Variants in SIMC1 observed in about 807,000 individuals in gnomAD.
The protein encoded by SIMC1 is SUMO-interacting motif-containing protein 1.
A neutral mutation model predicts 82.3 loss-of-function variants in SIMC1; 55 were observed. The ratio of observed to expected loss-of-function variants is 0.67; its 90% CI spans 0.54 to 0.84. The LOEUF is 0.84. SIMC1 is among the 40% of genes least tolerant of loss of function. The pLI is 0.00. For synonymous variants in SIMC1, 353 were observed against 426.3 expected, an observed-to-expected ratio of 0.83 and a Z score of 2.12; for missense variants, 915 against 1,107.2, an observed-to-expected ratio of 0.83 and a Z score of 2.46.
chr5:176,333,084 A>G (rs1372375507), intron 7 of SIMC1, among the ~76,000 whole-genome samples: 2 of 152,192 alleles, frequency 1.3e-5, no homozygotes. Flanking sequence ...TGGGCAGATC[A>G]CTTGATGTCA....
intron 4 of SIMC1, among the ~76,000 whole-genome samples, chr5:176,311,085 A>C (rs1764644418): frequency 6.6e-6 from 1 of 152,194 alleles, no homozygotes; most frequent in Admixed American, 6.5e-5. Context: ...TTGGAAAGGG[A>C]ACTGTAAGTG....
At chr5:176,272,172 C>CA (rs1162307977) in intron 1 of SIMC1, among the ~76,000 whole-genome samples, 5,306 of 19,916 alleles carry the variant, frequency 0.27, 900 homozygotes, top group Non-Finnish European at 0.41. Flanking sequence ...CCCATCTCTA[C>CA]AAAAAAAAAA....
chr5:176,325,408 G>A (rs182339516), intron 7 of SIMC1, among the ~76,000 whole-genome samples: 126 of 148,272 alleles, frequency 8.5e-4, no homozygotes, highest in African/African-American at 2.8e-3. Context: ...AATAAAGGCC[G>A]GCTGTGGTGG....
At chr5:176,299,376 AG>A in intron 4 of SIMC1, among the ~76,000 whole-genome samples, 1 of 151,770 alleles carries the variant, frequency 6.6e-6, no homozygotes, top group East Asian at 1.9e-4. Context: ...TGGGTGACAT[AG>A]CAAGACCCTG....
chr5:176,308,291 G>A, intron 4 of SIMC1: 1 of 1,470,904 alleles, frequency 6.8e-7, no homozygotes, highest in Non-Finnish European at 9.5e-7. Context: ...CATTCGTTCT[G>A]TCATCATCTT....
intron 4 of SIMC1, 91 bp from the exon 5 acceptor site, chr5:176,313,600 T>A: frequency 1.9e-6 from 3 of 1,571,894 alleles, no homozygotes; most frequent in Non-Finnish European, 2.6e-6. Context: ...TGCATGGCCT[T>A]CTCTTGGGCT....
At chr5:176,287,343 G>A (rs1260029825) in intron 1 of SIMC1, among the ~76,000 whole-genome samples, 3 of 152,244 alleles carry the variant, frequency 2.0e-5, no homozygotes, top group South Asian at 4.1e-4. Flanking sequence ...CATGGATGAA[G>A]CTGGAAATCA....
At chr5:176,289,152 A>T (rs920710923) in intron 1 of SIMC1, among the ~76,000 whole-genome samples, 4 of 152,330 alleles carry the variant, frequency 2.6e-5, no homozygotes, top group South Asian at 2.1e-4. Context: ...TAAGGTAGAT[A>T]ACCTAACCCC....
At chr5:176,262,376 A>G (rs572859061) in intron 1 of SIMC1, among the ~76,000 whole-genome samples, 2 of 152,224 alleles carry the variant, frequency 1.3e-5, no homozygotes, top group East Asian at 1.9e-4. Context: ...TGCCACTAAT[A>G]TCATACCTAA....
intron 4 of SIMC1, among the ~76,000 whole-genome samples, chr5:176,297,967 G>C (rs1308816993): frequency 3.9e-5 from 6 of 152,114 alleles, no homozygotes; most frequent in Non-Finnish European, 7.4e-5. Context: ...AAATAACAGA[G>C]GGCTTTAAAT....
intron 1 of SIMC1, among the ~76,000 whole-genome samples, chr5:176,255,013 A>T (rs544709546): frequency 3.9e-5 from 6 of 152,048 alleles, no homozygotes; most frequent in African/African-American, 1.4e-4. Flanking sequence ...ATGGTGGCTC[A>T]TGCCTGTAAT....
intron 9 of SIMC1, among the ~76,000 whole-genome samples, chr5:176,340,419 TATA>T (rs1766086719): frequency 6.6e-6 from 1 of 152,198 alleles, no homozygotes; most frequent in Non-Finnish European, 1.5e-5. Context: ...GATTTGAACA[TATA>T]ATATTTCAAT....
chr5:176,282,183 G>C (rs1370168301), intron 1 of SIMC1, among the ~76,000 whole-genome samples: 2 of 152,256 alleles, frequency 1.3e-5, no homozygotes, highest in Non-Finnish European at 2.9e-5. Flanking sequence ...TTTGATCTCA[G>C]ACTGCTGTGC....
chr5:176,317,545 G>T (rs1764970156), intron 5 of SIMC1, among the ~76,000 whole-genome samples: 1 of 152,070 alleles, frequency 6.6e-6, no homozygotes, highest in South Asian at 2.1e-4. Flanking sequence ...GAAAAATAAG[G>T]AGTTCGCTCT....
chr5:176,279,798 T>C (rs1226659060), intron 1 of SIMC1, among the ~76,000 whole-genome samples: 1 of 152,058 alleles, frequency 6.6e-6, no homozygotes, highest in East Asian at 1.9e-4. Context: ...GTGAGATTCT[T>C]AATCCTGAGT....
chr5:176,251,411 G>C (rs571731229), intron 1 of SIMC1, among the ~76,000 whole-genome samples: 2 of 152,220 alleles, frequency 1.3e-5, no homozygotes, highest in South Asian at 2.1e-4. Flanking sequence ...GCAGTGGCTG[G>C]TACCGGTTTT....
chr5:176,293,599 T>A (rs1358708862), intron 2 of SIMC1, among the ~76,000 whole-genome samples: 12 of 151,656 alleles, frequency 7.9e-5, no homozygotes, highest in Non-Finnish European at 1.5e-4. Flanking sequence ...CTAAAAAAAA[T>A]TAGCCAGGCA....
In SIMC1 at chr5:176,249,766, C is replaced by A. The variant is rs1371426676; in HGVS notation, c.129+11129C>A. ...GGCTGAGGCGGGAGAATGGTGTGAA[C>A]CCGGGAGGTGGAGCTTGCAGTGAGC... On this transcript the variant is annotated intron_variant, in intron 1 of 9. Coordinates refer to ENST00000429602, the MANE Select transcript of SIMC1 (RefSeq NM_001308195.2). Among the ~76,000 whole-genome samples, 4 of 140,574 alleles carry A rather than the reference C, an allele frequency of 2.8e-5. No individual in the cohort carries two copies. The East Asian group carries it at 9.0e-4, about 32-fold the overall frequency. The allele number at this position is 140,574 out of a possible 152,430, so 92.2% of individuals were successfully genotyped here. A position where few individuals can be genotyped will look rare whatever the true frequency, so the allele number is the denominator to read the frequency against.
At chr5:176,281,221 A>C (rs529835851) in intron 1 of SIMC1, among the ~76,000 whole-genome samples, 1 of 152,272 alleles carries the variant, frequency 6.6e-6, no homozygotes, top group African/African-American at 2.4e-5. Context: ...AGTTGATCAC[A>C]TCAGCTCCTG....
Sources: gnomAD v4.1 joint callset for allele counts (sites outside exome capture counted in the v4.1 genomes callset) on GRCh38, gnomAD v4.1.1 for gene constraint, MANE v1.5 for transcripts, NCBI Gene and HGNC (gene_info 2026-07-23, HGNC 2026-07-21) for gene names.